The following CYB561D1 variants were observed in gnomAD, a reference collection of about 807,000 sequenced individuals.
CYB561D1 encodes the protein cytochrome b561 family member D1.
In CYB561D1, 15 loss-of-function variants were observed where a neutral mutation model predicts 19.2. The ratio of observed to expected loss-of-function variants is 0.78; its 90% CI spans 0.52 to 1.20. The LOEUF (loss-of-function observed/expected upper bound fraction) is 1.20, where lower values mean the gene tolerates loss of function less well. CYB561D1 is among the 50% of genes most tolerant of loss of function. CYB561D1 has a pLI of 0.00. For synonymous variants in CYB561D1, 133 were observed against 120.6 expected, an observed-to-expected ratio of 1.10 and a Z score of -0.68; for missense variants, 297 against 287.3, an observed-to-expected ratio of 1.03 and a Z score of -0.24.
In CYB561D1 at chr1:109,494,236, G is replaced by T; in HGVS notation, c.97G>T (p.Val33Leu). 1 of 1,578,832 alleles carries T rather than the reference G, an allele frequency of 6.3e-7. No homozygotes were observed. ...RRGSGILAHLVALGFTIFLTA... is the reference protein window; with the variant it reads ...RRGSGILAHLLALGFTIFLTA... The stretch of plus-strand genomic sequence containing the variant: ...AGGCAGTGGGATCTTGGCGCACCTG[G>T]TAGCTTTGGGCTTCACCATCTTTCT... The change falls in exon 1 of 3, where the codon GTA (valine) becomes TTA (leucine). Residue 33 changes from valine (V) to leucine (L), a missense_variant. By Grantham distance (32) the Val-to-Leu change is conservative. Coordinates refer to ENST00000420578, the MANE Select transcript of CYB561D1 (RefSeq NM_182580.3).
chr1:109,499,084 T>G lies in CYB561D1; in HGVS notation c.*2825T>G, dbSNP rs1657751263. 6.6e-6 allele frequency: 1 copy of G among 152,148 alleles called. No homozygotes were observed. The highest frequency in any genetic ancestry group is 2.1e-4 in the South Asian group (1 of 4,820). The allele number at this position is 152,148 out of a possible 1,614,324, so 9.4% of individuals were successfully genotyped here. A position where few individuals can be genotyped will look rare whatever the true frequency, so the allele number is the denominator to read the frequency against. Reference sequence around the variant, plus strand: ...ATGAGATTACCCTTCTGGGTTCAGATACCCCTCCCAAGCCCCCGTCTTTTC... The same window carrying G: ...ATGAGATTACCCTTCTGGGTTCAGAGACCCCTCCCAAGCCCCCGTCTTTTC... On this transcript the variant is annotated 3_prime_UTR_variant, in exon 3 of 3. Coordinates refer to ENST00000420578, the MANE Select transcript of CYB561D1 (RefSeq NM_182580.3).
chr1:109,494,877 C>CA (rs5776979), intron 1 of CYB561D1, among the ~76,000 whole-genome samples: 58,208 of 151,114 alleles, frequency 0.39, 13,443 homozygotes, highest in African/African-American at 0.65. Flanking sequence ...AAACAAAAAA[C>CA]AAAAAAGGGG....
In CYB561D1 at chr1:109,499,457, A is replaced by G. The variant is rs2091329; in HGVS notation, c.*3198A>G. 62,341 of 152,306 alleles carry G rather than the reference A, an allele frequency of 0.41. 15,641 individuals are homozygous for G. The highest frequency in any genetic ancestry group is 0.72 in the African/African-American group (29,689 of 41,418). The allele number at this position is 152,306 out of a possible 1,614,324, so 9.4% of individuals were successfully genotyped here. A position where few individuals can be genotyped will look rare whatever the true frequency, so the allele number is the denominator to read the frequency against. On this transcript the variant is annotated 3_prime_UTR_variant, in exon 3 of 3. Coordinates refer to ENST00000420578, the MANE Select transcript of CYB561D1 (RefSeq NM_182580.3). ...TGGCTCACTGCAACCTCTGCCTCCC[A>G]GGTTCAAGCGATTCTCCTGCCTCAG...
In CYB561D1 at chr1:109,499,632, C is replaced by CT. The variant is rs1227593265; in HGVS notation, c.*3373_*3374insT. The CT allele has an allele frequency of 1.3e-5, 2 of 152,324 alleles. No homozygotes were observed. The highest frequency in any genetic ancestry group is 1.9e-4 in the East Asian group (1 of 5,190). 9.4% of individuals were successfully genotyped at this position (152,324 alleles called of 1,614,324 possible). Reference sequence around the variant, plus strand: ...CCTCCCAAAGTGCTGTGATTACAGGCGTGAGCCACCGTGCCTAGCCAGGTC... The same window carrying CT: ...CCTCCCAAAGTGCTGTGATTACAGGCTGTGAGCCACCGTGCCTAGCCAGGTC... On this transcript the variant is annotated 3_prime_UTR_variant, in exon 3 of 3. Coordinates refer to ENST00000420578, the MANE Select transcript of CYB561D1 (RefSeq NM_182580.3).
At chr1:109,494,499 C>G (rs1657378392) in intron 1 of CYB561D1, 1 of 1,540,212 alleles carries the variant, frequency 6.5e-7, no homozygotes, top group Non-Finnish European at 8.8e-7. Flanking sequence ...GACGATTGAA[C>G]AGACCGAACT....
intron 1 of CYB561D1, 47 bp downstream of exon 1, chr1:109,494,334 T>C: frequency 3.3e-6 from 5 of 1,535,526 alleles, no homozygotes; most frequent in Non-Finnish European, 3.5e-6. Context: ...GTGGAGATGC[T>C]GGAGGGGCAG....
Position 109,494,504 on chromosome 1 carries a change from C to G in CYB561D1, c.148+217C>G, listed in dbSNP as rs74113902. On this transcript the variant is annotated intron_variant, in intron 1 of 2. Transcript: ENST00000420578. ...GGGAAGGGCAGACGATTGAACAGAC[C>G]GAACTACTTCCTCAGAAACAGGTCC... 2.1e-3 allele frequency: 3,184 copies of G among 1,536,200 alleles called. 5 individuals are homozygous for G. Among genetic ancestry groups the G allele is most frequent in the African/African-American group, 4.6e-3 (337 of 72,748 alleles).
rs1373400172 is a variant in CYB561D1 at position 109,495,809 on chromosome 1, G to C, written c.240G>C (p.Leu80=). 25 of 1,613,954 alleles carry C rather than the reference G, an allele frequency of 1.5e-5. No individual in the cohort carries two copies. The highest frequency in any genetic ancestry group is 2.0e-5 in the Non-Finnish European group (24 of 1,180,058). The change falls in exon 3 of 3, where the codon CTG becomes CTC. Residue 80 remains leucine (L), a synonymous_variant. Coordinates refer to ENST00000420578, the MANE Select transcript of CYB561D1 (RefSeq NM_182580.3). ...TACTCTTCTCACCTGAACACTCCCT[G>C]TTCTTCTTCTGCTCCCGAAAAGCAC... ...AILLFSPEHS[L]FFFCSRKARI...
At chr1:109,495,680 A>T in intron 2 of CYB561D1, 76 bp from the exon 3 acceptor site, 1 of 1,612,574 alleles carries the variant, frequency 6.2e-7, no homozygotes, top group Non-Finnish European at 8.5e-7. Flanking sequence ...CTTTGTTAGG[A>T]TGTATGAGAG....
At position 109,498,599 on chromosome 1, in the gene CYB561D1, T is replaced by G. The variant is rs1017770965; in HGVS notation, c.*2340T>G. On this transcript the variant is annotated 3_prime_UTR_variant, in exon 3 of 3. Coordinates refer to ENST00000420578, the MANE Select transcript of CYB561D1 (RefSeq NM_182580.3). ...TCCTGGGGCAGCAGCTGGACAGCCA[T>G]TAGACCTCAGTGCCAGGGCACTCTT... The G allele has an allele frequency of 2.0e-5, 3 of 152,150 alleles. No homozygotes were observed. The highest frequency in any genetic ancestry group is 2.9e-5 in the Non-Finnish European group (2 of 68,052). 9.4% of individuals were successfully genotyped at this position (152,150 alleles called of 1,614,324 possible). A position where few individuals can be genotyped will look rare whatever the true frequency, so the allele number is the denominator to read the frequency against.
In CYB561D1 at chr1:109,496,376, C is replaced by CA; in HGVS notation, c.*118dup. ...AGGTTTTCGCACTTCTTGGCTGGTC[C>CA]AGGGACTGCAGAAACCAAAGCTGCT... On this transcript the variant is annotated 3_prime_UTR_variant, in exon 3 of 3. Coordinates refer to ENST00000420578, the MANE Select transcript of CYB561D1 (RefSeq NM_182580.3). 8.3e-7 allele frequency: 1 copy of CA among 1,199,532 alleles called. No homozygotes were observed. The highest frequency in any genetic ancestry group is 1.1e-6 in the Non-Finnish European group (1 of 871,780). 74.3% of individuals were successfully genotyped at this position (1,199,532 alleles called of 1,614,324 possible). A position where few individuals can be genotyped will look rare whatever the true frequency, so the allele number is the denominator to read the frequency against.
rs1465067076 is a variant in CYB561D1, at chr1:109,500,136, C to G, written c.*3877C>G. The G allele has an allele frequency of 6.6e-6, 1 of 152,212 alleles. No individual in the cohort carries two copies. The highest frequency in any genetic ancestry group is 1.5e-5 in the Non-Finnish European group (1 of 68,048). The allele number at this position is 152,212 out of a possible 1,614,324, so 9.4% of individuals were successfully genotyped here. A position where few individuals can be genotyped will look rare whatever the true frequency, so the allele number is the denominator to read the frequency against. On this transcript the variant is annotated 3_prime_UTR_variant, in exon 3 of 3. Coordinates refer to ENST00000420578, the MANE Select transcript of CYB561D1 (RefSeq NM_182580.3). ...CACCCCTGGTCTTGATGCCTCAAGC[C>G]CAGCATTTCTGGGTCCCCTCTGCAA...
At position 109,498,887 on chromosome 1, in the gene CYB561D1, T is replaced by C. The variant is rs560283700; in HGVS notation, c.*2628T>C. On this transcript the variant is annotated 3_prime_UTR_variant, in exon 3 of 3. Transcript: ENST00000420578. ...AAAAAAAAAGCCAGGGCAGGGTGCTTAGATTTTAAAAATTTGCGTGTCATT... is the reference window on the plus strand; with the variant it reads ...AAAAAAAAAGCCAGGGCAGGGTGCTCAGATTTTAAAAATTTGCGTGTCATT... The C allele has an allele frequency of 4.0e-5, 6 of 151,390 alleles. No homozygotes were observed. In the South Asian group the frequency reaches 8.3e-4, roughly 21 times the overall value. 9.4% of individuals were successfully genotyped at this position (151,390 alleles called of 1,614,324 possible). A position where few individuals can be genotyped will look rare whatever the true frequency, so the allele number is the denominator to read the frequency against.
At chr1:109,494,601 C>T in intron 1 of CYB561D1, 2 of 1,355,694 alleles carry the variant, frequency 1.5e-6, no homozygotes, top group Non-Finnish European at 2.0e-6. Context: ...CTTTGGGAGG[C>T]CGACGCGGGT....
chr1:109,495,869 C>G lies in CYB561D1; in HGVS notation c.300C>G (p.Ala100=). ...TCCACTGGGCAGGGCAGACCCTAGC[C>G]ATCCTCTGTGCAGCTCTGGGCCTGG... ...IRLHWAGQTL[A]ILCAALGLGF... is the part of the protein sequence containing the mutation. The change falls in exon 3 of 3, where the codon GCC becomes GCG. Residue 100 remains alanine, a synonymous_variant. Coordinates refer to ENST00000420578, the MANE Select transcript of CYB561D1 (RefSeq NM_182580.3). The G allele has an allele frequency of 6.2e-7, 1 of 1,613,986 alleles. No individual in the cohort carries two copies. The highest frequency in any genetic ancestry group is 1.3e-5 in the African/African-American group (1 of 75,068).
At position 109,497,522 on chromosome 1, in the gene CYB561D1, TGCCCTC is replaced by T. The variant is rs1657636856; in HGVS notation, c.*1265_*1270del. 1 of 152,372 alleles carries T rather than the reference TGCCCTC, an allele frequency of 6.6e-6. No homozygotes were observed. The highest frequency in any genetic ancestry group is 6.5e-5 in the Admixed American group (1 of 15,282). 9.4% of individuals were successfully genotyped at this position (152,372 alleles called of 1,614,324 possible). On this transcript the variant is annotated 3_prime_UTR_variant, in exon 3 of 3. Transcript: ENST00000420578. ...TGCAGCTGAAAGTAGTTCCCCAGGC[TGCCCTC>T]GGTGGTGAGGACTGGATGCTAGACT... is the stretch of plus-strand genomic sequence containing the variant.
In CYB561D1 at chr1:109,498,873, C is replaced by T. The variant is rs1470280969; in HGVS notation, c.*2614C>T. 6.8e-6 allele frequency: 1 copy of T among 147,866 alleles called. No homozygotes were observed. The highest frequency in any genetic ancestry group is 2.5e-5 in the African/African-American group (1 of 39,892). The allele number at this position is 147,866 out of a possible 1,614,324, so 9.2% of individuals were successfully genotyped here. ...CTTTTTTTAAAAAAAAAAAAAAAGC[C>T]AGGGCAGGGTGCTTAGATTTTAAAA... On this transcript the variant is annotated 3_prime_UTR_variant, in exon 3 of 3. Coordinates refer to ENST00000420578, the MANE Select transcript of CYB561D1 (RefSeq NM_182580.3).
chr1:109,495,229 C>G (rs754412313), intron 2 of CYB561D1, 49 bp downstream of exon 2: 2 of 1,601,416 alleles, frequency 1.2e-6, no homozygotes, highest in African/African-American at 2.7e-5. Flanking sequence ...TCACCTCATT[C>G]TCCCAGGGAA....
At chr1:109,494,314 A>G (rs1657357153) in intron 1 of CYB561D1, 27 bp downstream of exon 1, 10 of 1,557,676 alleles carry the variant, frequency 6.4e-6, no homozygotes, top group Non-Finnish European at 8.7e-6. Context: ...GGGTTGCGGA[A>G]GGGGGCGGAG....
Sources: allele counts gnomAD v4.1 joint callset (sites outside exome capture counted in the v4.1 genomes callset), GRCh38; gene constraint gnomAD v4.1.1; transcripts MANE v1.5; gene names NCBI Gene and HGNC (gene_info 2026-07-23, HGNC 2026-07-21).